SAFB: variants seen among roughly 807,000 people sequenced by gnomAD.
The protein encoded by SAFB is scaffold attachment factor B, also known as scaffold attachment factor B1.
Under a neutral mutation model 101.6 loss-of-function variants are expected in SAFB, and 15 were observed. The ratio of observed to expected loss-of-function variants is 0.15; its 90% CI spans 0.10 to 0.23. The LOEUF is 0.23. SAFB is among the 10% of genes least tolerant of loss of function. The pLI is 1.00. For missense variants in SAFB, 930 were observed against 1,104.1 expected (o/e 0.84, Z 2.23); for synonymous variants, 449 against 407.5 (o/e 1.10, Z -1.23).
Position 5,667,190 on chromosome 19 carries a change from C to T in SAFB, c.2453+26C>T. ...GTTTGTGTCCCACACCCGACAGTAC[C>T]TGACCCCCCCCCCGCCCACAAGGGG... is the stretch of plus-strand genomic sequence containing the variant. On this transcript the variant is annotated intron_variant, in intron 18 of 20. Coordinates refer to ENST00000588852, the MANE Select transcript of SAFB (RefSeq NM_001201338.2). This position sits in a 1 kb window ranked among gnomAD's most constrained non-coding sequence, Gnocchi z 4.0. 2.2e-6 allele frequency: 3 copies of T among 1,388,586 alleles called. No individual in the cohort carries two copies. The highest frequency in any genetic ancestry group is 2.5e-5 in the South Asian group (2 of 80,406). The allele number at this position is 1,388,586 out of a possible 1,614,324, so 86.0% of individuals were successfully genotyped here. A position where few individuals can be genotyped will look rare whatever the true frequency, so the allele number is the denominator to read the frequency against.
chr19:5,648,307 T>C, intron 6 of SAFB: 1 of 490,686 alleles, frequency 2.0e-6, no homozygotes, highest in Non-Finnish European at 3.6e-6. Flanking sequence ...TCAACAGCAT[T>C]GAATCATACA....
At chr19:5,631,733 A>G (rs943972232) in intron 2 of SAFB, among the ~76,000 whole-genome samples, 1 of 152,176 alleles carries the variant, frequency 6.6e-6, no homozygotes, top group Non-Finnish European at 1.5e-5. Flanking sequence ...GACTCTCACC[A>G]TCTTAGCAGA....
chr19:5,646,196 T>G (rs927977354), intron 5 of SAFB, among the ~76,000 whole-genome samples: 2 of 152,204 alleles, frequency 1.3e-5, no homozygotes, highest in African/African-American at 2.4e-5. Flanking sequence ...TTTTCCCGTC[T>G]TCTTTTTAAA....
Position 5,667,781 on chromosome 19 carries a change from T to C in SAFB, c.2558-39T>C, listed in dbSNP as rs1240828503. On this transcript the variant is annotated intron_variant, in intron 19 of 20. Coordinates refer to ENST00000588852, the MANE Select transcript of SAFB (RefSeq NM_001201338.2). The surrounding 1 kb of genome is among the most constrained non-coding windows in gnomAD (Gnocchi z 4.0). ...AATGTGCCGTGGGTTCCACGCCGTG[T>C]GCGCAAGTTCCCTGTGTGAAAGCAC... The C allele has an allele frequency of 6.2e-7, 1 of 1,609,180 alleles. No homozygotes were observed. Among genetic ancestry groups the C allele is most frequent in the Non-Finnish European group, 8.5e-7 (1 of 1,175,732 alleles).
At chr19:5,661,902 T>G in intron 15 of SAFB, 94 bp downstream of exon 15, 1 of 814,116 alleles carries the variant, frequency 1.2e-6, no homozygotes, top group Non-Finnish European at 1.9e-6. Context: ...TTTTTTTTTT[T>G]GAGACGGAGT....
At position 5,626,621 on chromosome 19, in the gene SAFB, C is replaced by G; in HGVS notation, c.274+132C>G. On this transcript the variant is annotated intron_variant, in intron 2 of 20. Coordinates refer to ENST00000588852, the MANE Select transcript of SAFB (RefSeq NM_001201338.2). ...TCTGAACTGGGAGCCTTCAGCGAAG[C>G]TTTGCATTTTCTTTCAAGATCTCTC... is the stretch of plus-strand genomic sequence containing the variant. The G allele has an allele frequency of 6.7e-6, 4 of 596,238 alleles. No homozygotes were observed. In the South Asian group the frequency reaches 8.2e-5, roughly 12 times the overall value. The allele number at this position is 596,238 out of a possible 1,614,324, so 36.9% of individuals were successfully genotyped here.
At chr19:5,641,302 G>A (rs1355134427) in intron 2 of SAFB, among the ~76,000 whole-genome samples, 2 of 152,176 alleles carry the variant, frequency 1.3e-5, no homozygotes, top group Non-Finnish European at 2.9e-5. Flanking sequence ...GGACACTTGG[G>A]ATAGGAAGAA....
chr19:5,638,874 C>T (rs1030580569), intron 2 of SAFB, among the ~76,000 whole-genome samples: 2 of 151,958 alleles, frequency 1.3e-5, no homozygotes, highest in Non-Finnish European at 2.9e-5. Flanking sequence ...CGCCTGCCAC[C>T]ACGCCTGGCT....
At chr19:5,634,207 T>C (rs2053548818) in intron 2 of SAFB, among the ~76,000 whole-genome samples, 1 of 152,104 alleles carries the variant, frequency 6.6e-6, no homozygotes, top group African/African-American at 2.4e-5. Flanking sequence ...GAGAAAATTT[T>C]CCTAGATATG....
rs1368249264 is a variant in SAFB, at chr19:5,649,314, T to C, written c.963T>C (p.Ser321=). ...GGCTAGAGCCGGCAGTTGAGCAGAG[T>C]AGTGCGGCCTCCGAGCTCGCGGAGG... is the stretch of plus-strand genomic sequence containing the variant. ...PVGLEPAVEQ[S]SAASELAEAS... Residue 321 remains serine (S), a synonymous_variant, in exon 7 of 21, where the codon AGT becomes AGC. Coordinates refer to ENST00000588852, the MANE Select transcript of SAFB (RefSeq NM_001201338.2). The C allele has an allele frequency of 5.5e-6, 2 of 360,800 alleles. No individual in the cohort carries two copies. Among genetic ancestry groups the C allele is most frequent in the Admixed American group, 1.6e-4 (2 of 12,198 alleles). The allele number at this position is 360,800 out of a possible 1,614,324, so 22.3% of individuals were successfully genotyped here. A position where few individuals can be genotyped will look rare whatever the true frequency, so the allele number is the denominator to read the frequency against.
intron 4 of SAFB, among the ~76,000 whole-genome samples, chr19:5,644,657 T>C (rs187565550): frequency 6.6e-6 from 1 of 152,296 alleles, no homozygotes; most frequent in East Asian, 1.9e-4. Context: ...TGAAAACGTC[T>C]CCCCCTAAGT....
At chr19:5,641,551 T>G in intron 2 of SAFB, 43 bp from the exon 3 acceptor site, 15 of 1,535,516 alleles carry the variant, frequency 9.8e-6, no homozygotes, top group Non-Finnish European at 1.3e-5. Flanking sequence ...TTCTGTAAAG[T>G]GCGTATCATT....
At position 5,661,767 on chromosome 19, in the gene SAFB, G is replaced by A; in HGVS notation, c.2112G>A (p.Gln704=). The change falls in exon 15 of 21, where the codon CAG becomes CAA. Residue 704 remains glutamine, a synonymous_variant. Coordinates refer to ENST00000588852, the MANE Select transcript of SAFB (RefSeq NM_001201338.2). Reference sequence around the variant, plus strand: ...GCCAGCAGGAACTGCGCTATGAGCAGGAGCGGCGGCCCGCGGTGCGGCGGC... The same window carrying A: ...GCCAGCAGGAACTGCGCTATGAGCAAGAGCGGCGGCCCGCGGTGCGGCGGC... The part of the protein sequence containing the change: ...LRRQQELRYE[Q]ERRPAVRRPY... 3 of 1,576,396 alleles carry A rather than the reference G, an allele frequency of 1.9e-6. No individual in the cohort carries two copies. Among genetic ancestry groups the A allele is most frequent in the Non-Finnish European group, 2.6e-6 (3 of 1,162,964 alleles).
intron 9 of SAFB, among the ~76,000 whole-genome samples, chr19:5,652,313 C>T (rs2145456124): frequency 6.6e-6 from 1 of 152,314 alleles, no homozygotes; most frequent in African/African-American, 2.4e-5. Context: ...GTCTCCCCTA[C>T]TAGACCCCCT....
intron 2 of SAFB, among the ~76,000 whole-genome samples, chr19:5,630,890 A>T (rs776097202): frequency 2.0e-5 from 3 of 152,108 alleles, no homozygotes; most frequent in Non-Finnish European, 4.4e-5. Flanking sequence ...GTAGGTAGGG[A>T]TGAAAACATG....
intron 14 of SAFB, among the ~76,000 whole-genome samples, chr19:5,658,372 T>C (rs1054518806): frequency 6.6e-6 from 1 of 152,262 alleles, no homozygotes; most frequent in African/African-American, 2.4e-5. Context: ...TAATTTATTT[T>C]TTCTATGAAA....
intron 9 of SAFB, among the ~76,000 whole-genome samples, chr19:5,652,734 TTTTTTTC>T (rs1184163509): frequency 6.6e-6 from 1 of 152,224 alleles, no homozygotes; most frequent in Non-Finnish European, 1.5e-5. Context: ...CGAAGTCTTT[TTTTTTTC>T]TTTTTTCTTT....
chr19:5,635,609 T>A (rs1371066590), intron 2 of SAFB, among the ~76,000 whole-genome samples: 1 of 152,082 alleles, frequency 6.6e-6, no homozygotes, highest in Non-Finnish European at 1.5e-5. Flanking sequence ...TGTAATCAAA[T>A]CAGAAAGTAA....
chr19:5,625,942 G>A (rs150892270), intron 1 of SAFB, among the ~76,000 whole-genome samples: 35 of 152,322 alleles, frequency 2.3e-4, no homozygotes, highest in East Asian at 7.7e-4. Context: ...CAGGCACGGC[G>A]TGGAGGGAGT....
Sources: gnomAD v4.1 joint callset for allele counts (sites outside exome capture counted in the v4.1 genomes callset) on GRCh38, gnomAD v4.1.1 for gene constraint, Gnocchi (gnomAD v3.1) non-coding constraint, MANE v1.5 for transcripts, NCBI Gene and HGNC (gene_info 2026-07-23, HGNC 2026-07-21) for gene names.